The following LARGE1 variants were observed in gnomAD, a reference collection of about 807,000 sequenced individuals.
The protein encoded by LARGE1 is xylosyl- and glucuronyltransferase LARGE1.
LARGE1 carries 43 observed loss-of-function variants against 87.6 expected under a neutral mutation model. The observed-to-expected ratio is 0.49, with a 90% CI of 0.38 to 0.63. LARGE1 has a LOEUF of 0.63. Ranked by LOEUF, LARGE1 falls within the 30% of genes least tolerant of loss-of-function variation. The pLI is 0.00. For synonymous variants in LARGE1, 434 were observed against 394.6 expected, an observed-to-expected ratio of 1.10 and a Z score of -1.18; for missense variants, 802 against 1,000.2, an observed-to-expected ratio of 0.80 and a Z score of 2.67.
intron 1 of LARGE1, among the ~76,000 whole-genome samples, chr22:33,773,378 G>C (rs1293367814): frequency 2.0e-5 from 3 of 152,194 alleles, no homozygotes; most frequent in South Asian, 4.1e-4. Context: ...GTCCACTCCT[G>C]CCAACTCAGT....
At chr22:33,854,603 A>G (rs1240173413) in intron 1 of LARGE1, among the ~76,000 whole-genome samples, 1 of 152,208 alleles carries the variant, frequency 6.6e-6, no homozygotes, top group East Asian at 1.9e-4. Context: ...TATGAAGAAG[A>G]TAGTCTAATC....
intron 2 of LARGE1, among the ~76,000 whole-genome samples, chr22:33,659,496 A>C (rs1255912521): frequency 6.6e-6 from 1 of 152,204 alleles, no homozygotes; most frequent in Admixed American, 6.5e-5. Context: ...TATAAGTCAC[A>C]GCAAGACACA....
At chr22:33,622,766 A>C (rs240595) in intron 4 of LARGE1, among the ~76,000 whole-genome samples, 106,551 of 152,170 alleles carry the variant, frequency 0.7, 37,324 homozygotes, top group Admixed American at 0.77. Context: ...TGCCCACTGG[A>C]GTAGACAGGG....
chr22:33,884,007 T>A (rs1002151942), intron 1 of LARGE1, among the ~76,000 whole-genome samples: 1 of 152,240 alleles, frequency 6.6e-6, no homozygotes, highest in Admixed American at 6.5e-5. Context: ...CTTGGTTTAC[T>A]AACAGTCCCA....
chr22:33,905,118 T>C (rs2065406739), intron 1 of LARGE1, among the ~76,000 whole-genome samples: 1 of 142,994 alleles, frequency 7.0e-6, no homozygotes, highest in Admixed American at 7.7e-5. Flanking sequence ...CAGACTGGAG[T>C]GCAATGGCGT....
the LARGE1 span, among the ~76,000 whole-genome samples, chr22:33,137,855 T>C: frequency 6.6e-6 from 1 of 152,148 alleles, no homozygotes; most frequent in East Asian, 1.9e-4. Flanking sequence ...AGAAGATATA[T>C]GGAAACCCCT....
chr22:33,358,827 A>T lies in LARGE1; in HGVS notation c.1132-21026T>A, dbSNP rs1025270893. Among the ~76,000 whole-genome samples, 8 of 148,674 alleles carry T rather than the reference A, an allele frequency of 5.4e-5. No homozygotes were observed. In the East Asian group the frequency reaches 9.7e-4, roughly 18 times the overall value. ...CAGTGAAAATCCATCTCTACTTAAA[A>T]TACAACAACAACAACAAAAAATTAG... is the stretch of plus-strand genomic sequence containing the variant. On this transcript the variant is annotated intron_variant, in intron 9 of 14. Transcript: ENST00000397394.
At position 33,166,871 on chromosome 22, in the gene LARGE1, T is replaced by A. The variant is rs1463020313; in HGVS notation, c.1731-39A>T. The stretch of plus-strand genomic sequence containing the variant: ...AGAATGAGAAAGGGTTGATTCAAAG[T>A]GTGTTCTGTGGTTATTTGTTCTATG... On this transcript the variant is annotated intron_variant, in intron 11 of 11. Coordinates refer to the LARGE1 transcript ENST00000608642. 3 of 471,072 alleles carry A rather than the reference T, an allele frequency of 6.4e-6. No individual in the cohort carries two copies. In the Admixed American group the frequency reaches 7.0e-5, roughly 11 times the overall value. 29.2% of individuals were successfully genotyped at this position (471,072 alleles called of 1,614,324 possible).
Position 33,215,126 on chromosome 22 carries a change from A to C in LARGE1, c.1731-48294T>G, listed in dbSNP as rs561728023. 6.4e-4 allele frequency among the ~76,000 whole-genome samples: 97 copies of C among 152,200 alleles called. 1 individual carries two copies. Among genetic ancestry groups the C allele is most frequent in the African/African-American group, 2.3e-3 (95 of 41,504 alleles). On this transcript the variant is annotated intron_variant, in intron 11 of 11. Transcript: ENST00000608642. ...CTAGCAATACTAAACTCCATACCAA[A>C]TGGTTAATTGGCCACACCTTGATTT...
intron 11 of LARGE1, among the ~76,000 whole-genome samples, chr22:33,203,228 C>G (rs1056260176): frequency 6.6e-6 from 1 of 151,984 alleles, no homozygotes; most frequent in Admixed American, 6.6e-5. Flanking sequence ...TTTCTCCTCC[C>G]CAAACAAAAC....
intron 10 of LARGE1, among the ~76,000 whole-genome samples, chr22:33,318,316 T>C (rs1936379238): frequency 1.3e-5 from 2 of 152,156 alleles, no homozygotes; most frequent in South Asian, 4.1e-4. Flanking sequence ...AATGATAATT[T>C]GTTCTCATTG....
chr22:33,516,894 T>C (rs1218929637), intron 6 of LARGE1, among the ~76,000 whole-genome samples: 1 of 152,172 alleles, frequency 6.6e-6, no homozygotes, highest in Non-Finnish European at 1.5e-5. Context: ...CACTTCCTCC[T>C]ATTTAAGCAC....
intron 7 of LARGE1, among the ~76,000 whole-genome samples, chr22:33,419,441 T>G (rs186790276): frequency 1.3e-5 from 2 of 151,998 alleles, no homozygotes; most frequent in South Asian, 4.2e-4. Flanking sequence ...ATCACCCAAG[T>G]ACACGCCTGC....
intron 3 of LARGE1, among the ~76,000 whole-genome samples, chr22:33,636,630 C>G (rs934925527): frequency 6.6e-6 from 1 of 152,110 alleles, no homozygotes; most frequent in African/African-American, 2.4e-5. Context: ...TGGGCTCAAG[C>G]GATCCTCTCA....
intron 12 of LARGE1, among the ~76,000 whole-genome samples, chr22:33,300,606 T>C (rs903410013): frequency 4.6e-5 from 7 of 152,150 alleles, no homozygotes; most frequent in African/African-American, 1.7e-4. Context: ...AGTGGTGCGA[T>C]GTCAGCTCAC....
At chr22:33,100,349 CAAAAAAAAA>C in the LARGE1 span, among the ~76,000 whole-genome samples, 10 of 65,310 alleles carry the variant, frequency 1.5e-4, no homozygotes, top group East Asian at 4.0e-3. Context: ...GACTCCATCT[CAAAAAAAAA>C]AAAAAAAAAA....
At chr22:33,781,805 CATAAG>C (rs763124306) in intron 1 of LARGE1, among the ~76,000 whole-genome samples, 21 of 152,142 alleles carry the variant, frequency 1.4e-4, no homozygotes, top group Non-Finnish European at 2.9e-4. Flanking sequence ...AATAGATATA[CATAAG>C]ATATTTATTT....
At chr22:33,079,826 G>A in the LARGE1 span, among the ~76,000 whole-genome samples, 1 of 152,072 alleles carries the variant, frequency 6.6e-6, no homozygotes, top group African/African-American at 2.4e-5. Flanking sequence ...AAAAGAAGAA[G>A]GAAGGAAAAG....
intron 1 of LARGE1, among the ~76,000 whole-genome samples, chr22:33,898,666 A>G (rs916631011): frequency 6.6e-6 from 1 of 152,224 alleles, no homozygotes; most frequent in Admixed American, 6.5e-5. Context: ...AGGCAGAAGA[A>G]TCGCTTGAAC....
Sources: gnomAD v4.1 joint callset for allele counts (sites outside exome capture counted in the v4.1 genomes callset) on GRCh38, gnomAD v4.1.1 for gene constraint, MANE v1.5 for transcripts, NCBI Gene and HGNC (gene_info 2026-07-23, HGNC 2026-07-21) for gene names.